Variants in HERC1 observed in about 807,000 individuals in gnomAD.
HERC1 encodes HECT and RLD domain containing E3 ubiquitin protein ligase family member 1.
HERC1 carries 160 observed loss-of-function variants against 554.3 expected under a neutral mutation model. The observed-to-expected ratio is 0.29, with a 90% confidence interval of 0.25 to 0.33. The LOEUF is 0.33. Among genes scored for constraint, HERC1 ranks in the 10% least tolerant of loss-of-function variants. The pLI is 1.00. For missense variants in HERC1, 4,919 were observed against 5,918.5 expected (o/e 0.83, Z 5.54); for synonymous variants, 2,175 against 2,131.7 (o/e 1.02, Z -0.56).
At chr15:63,648,684 T>C (rs1046062353) in intron 54 of HERC1, among the ~76,000 whole-genome samples, 5 of 152,232 alleles carry the variant, frequency 3.3e-5, no homozygotes, top group Admixed American at 6.5e-5. Flanking sequence ...CAAGTATATG[T>C]AACACTGAAA....
intron 42 of HERC1, among the ~76,000 whole-genome samples, chr15:63,665,518 A>G (rs1452236400): frequency 2.6e-5 from 4 of 152,176 alleles, no homozygotes; most frequent in Non-Finnish European, 1.5e-5. Flanking sequence ...CTGGCGACAG[A>G]GCGAGACTCC....
At chr15:63,686,611 T>A in intron 33 of HERC1, 76 bp from the exon 34 acceptor site, 1 of 1,236,520 alleles carries the variant, frequency 8.1e-7, no homozygotes, top group Non-Finnish European at 1.1e-6. Context: ...GGCTCCTTGG[T>A]TTTATCCTAC....
At position 63,672,627 on chromosome 15, in the gene HERC1, T is replaced by C. The variant is rs1325664544; in HGVS notation, c.7914A>G (p.Pro2638=). 1.9e-6 allele frequency: 3 copies of C among 1,613,114 alleles called. No homozygotes were observed. Among genetic ancestry groups the C allele is most frequent in the Non-Finnish European group, 1.7e-6 (2 of 1,179,520 alleles). ...QQAQTPVTTS[P]SASSTTSFMS... ...TAAAGGAGGTCGTGCTTGAGGCTGA[T>C]GGGCTAGTAGTAACTGGTGTCTGTG... Residue 2638 remains proline, a synonymous_variant, in exon 39 of 78, where the codon CCA becomes CCG. Transcript: ENST00000443617.
chr15:63,778,401 A>T (rs1282746710), intron 1 of HERC1, among the ~76,000 whole-genome samples: 2 of 152,354 alleles, frequency 1.3e-5, no homozygotes, highest in East Asian at 3.9e-4. Flanking sequence ...ATTTAATTTA[A>T]AGCAGAAGGC....
intron 38 of HERC1, 142 bp from the exon 39 acceptor site, chr15:63,672,836 G>GA (rs553272963): frequency 6.4e-6 from 4 of 629,456 alleles, no homozygotes; most frequent in Non-Finnish European, 1.1e-5. Flanking sequence ...AAGATTGACA[G>GA]AAAAAAATAT....
intron 57 of HERC1, among the ~76,000 whole-genome samples, chr15:63,644,623 A>G (rs2152855257): frequency 6.6e-6 from 1 of 152,294 alleles, no homozygotes; most frequent in South Asian, 2.1e-4. Flanking sequence ...GTTTAATATA[A>G]ATAAATCATT....
At chr15:63,710,855 T>TA (rs978276452) in intron 24 of HERC1, among the ~76,000 whole-genome samples, 13 of 152,252 alleles carry the variant, frequency 8.5e-5, no homozygotes, top group African/African-American at 2.6e-4. Flanking sequence ...ACGCAACAGC[T>TA]AAGAGTCCAG....
In HERC1 at chr15:63,692,911, T is replaced by G. The variant is rs1383173610; in HGVS notation, c.5675-345A>C. ...TTCCCAAATATCAGGACAGGCGCAA[T>G]GGCTCACATCTGTAATCCCAGCACT... On this transcript the variant is annotated intron_variant, in intron 30 of 77. Coordinates refer to ENST00000443617, the MANE Select transcript of HERC1 (RefSeq NM_003922.4). This position sits in a 1 kb window ranked among gnomAD's most constrained non-coding sequence, Gnocchi z 4.7. Among the ~76,000 whole-genome samples, 2 of 152,172 alleles carry G rather than the reference T, an allele frequency of 1.3e-5. No homozygotes were observed. Among genetic ancestry groups the G allele is most frequent in the African/African-American group, 2.4e-5 (1 of 41,446 alleles).
chr15:63,747,166 A>G lies in HERC1; in HGVS notation c.2355-83T>C. The G allele has an allele frequency of 3.7e-6, 5 of 1,368,824 alleles. No individual in the cohort carries two copies. The South Asian group carries it at 6.8e-5, about 19-fold the overall frequency. The allele number at this position is 1,368,824 out of a possible 1,614,324, so 84.8% of individuals were successfully genotyped here. On this transcript the variant is annotated intron_variant, in intron 11 of 77. Coordinates refer to ENST00000443617, the MANE Select transcript of HERC1 (RefSeq NM_003922.4). The stretch of plus-strand genomic sequence containing the variant: ...GTTTGGGTAACATTTTTATATCTTT[A>G]AAAATTTTGTTGGCTAGGTGCGGTG...
Position 63,755,238 on chromosome 15 carries a change from C to T in HERC1, c.1621G>A (p.Gly541Arg), listed in dbSNP as rs757271641. 1 of 1,608,928 alleles carries T rather than the reference C, an allele frequency of 6.2e-7. No homozygotes were observed. Among genetic ancestry groups the T allele is most frequent in the Non-Finnish European group, 8.5e-7 (1 of 1,175,386 alleles). Residue 541 changes from glycine (G) to arginine (R), a missense_variant, in exon 6 of 78, where the codon GGA becomes AGA. Physicochemically the swap from Gly to Arg is moderately radical, Grantham distance 125. Coordinates refer to ENST00000443617, the MANE Select transcript of HERC1 (RefSeq NM_003922.4). ...TTTTAAAAAATCTTACCTAATCTTC[C>T]AAAGTCTCCTTCACCCCATGTGTAT... ...ELYTWGEGDF[G>R]RLGHGDSNSR...
In HERC1 at chr15:63,797,412, G is replaced by GT. The variant is rs564534539; in HGVS notation, c.-26-21764dup. On this transcript the variant is annotated intron_variant, in intron 1 of 77. Coordinates refer to ENST00000443617, the MANE Select transcript of HERC1 (RefSeq NM_003922.4). ...ATCATTATAATAGAATCTAAGATTG[G>GT]TTTTTTTGTGTTATCTTTCAGAATG... Among the ~76,000 whole-genome samples, 356 of 152,202 alleles carry GT rather than the reference G, an allele frequency of 2.3e-3. 1 individual carries two copies. The highest frequency in any genetic ancestry group is 8.1e-3 in the African/African-American group (335 of 41,526).
In HERC1 at chr15:63,774,902, G is replaced by C. The variant is rs1596221237; in HGVS notation, c.722C>G (p.Thr241Ser). ...CTCAGAAGCTAATCTACGACCTAAAGTGTCTGCCCCAGAATTAGGAATAGT... is the reference window on the plus strand; with the variant it reads ...CTCAGAAGCTAATCTACGACCTAAACTGTCTGCCCCAGAATTAGGAATAGT... ...GVTIPNSGAD[T>S]LGRRLASELL... Residue 241 changes from threonine (T) to serine (S), a missense_variant, in exon 2 of 78, where the codon ACT (threonine) becomes AGT (serine). Physicochemically the swap from Thr to Ser is moderately conservative, Grantham distance 58 (BLOSUM62 1). This residue lies in a region of HERC1 where 744 missense variants were observed against 1,090.0 expected (regional missense o/e 0.68). Transcript: ENST00000443617. 1.2e-6 allele frequency: 2 copies of C among 1,613,964 alleles called. No individual in the cohort carries two copies. Among genetic ancestry groups the C allele is most frequent in the Admixed American group, 1.7e-5 (1 of 60,012 alleles).
chr15:63,689,723 T>A, intron 32 of HERC1, 24 bp from the exon 33 acceptor site: 3 of 1,351,736 alleles, frequency 2.2e-6, no homozygotes, highest in Non-Finnish European at 3.0e-6. Flanking sequence ...GAAAAAAGGA[T>A]AAAATTTGTA....
chr15:63,655,051 A>G (rs2069946016), intron 50 of HERC1, among the ~76,000 whole-genome samples: 1 of 152,046 alleles, frequency 6.6e-6, no homozygotes, highest in Non-Finnish European at 1.5e-5. Context: ...AACTGGGCTG[A>G]TAGATCCAAA....
chr15:63,775,225 A>G lies in HERC1; in HGVS notation c.399T>C (p.Ser133=). 6.2e-7 allele frequency: 1 copy of G among 1,614,022 alleles called. No individual in the cohort carries two copies. Among genetic ancestry groups the G allele is most frequent in the South Asian group, 1.1e-5 (1 of 91,088 alleles). ...DKGKVKQQQH[S]PESSSGSADV... ...CTGCTGAACCAGAACTGCTCTCCGG[A>G]GAATGCTGCTGCTGCTTCACCTTGC... is the stretch of plus-strand genomic sequence containing the variant. Residue 133 remains serine (S), a synonymous_variant, in exon 2 of 78, where the codon TCT becomes TCC. Coordinates refer to ENST00000443617, the MANE Select transcript of HERC1 (RefSeq NM_003922.4). This position sits in a 1 kb window ranked among gnomAD's most constrained non-coding sequence, Gnocchi z 4.0.
At chr15:63,728,333 T>C (rs2074119530) in intron 16 of HERC1, among the ~76,000 whole-genome samples, 1 of 152,228 alleles carries the variant, frequency 6.6e-6, no homozygotes. Context: ...CCTTAAATCA[T>C]GTGTTTTTAT....
rs149322499 is a variant in HERC1, at chr15:63,630,417, T to A, written c.12966+49A>T. The A allele has an allele frequency of 1.5e-5, 24 of 1,564,344 alleles. No individual in the cohort carries two copies. In the East Asian group the frequency reaches 5.4e-4, roughly 35 times the overall value. ...ATCTCTTTCCCCAACTGAGGAACAC[T>A]GTGAGATTTCTAGAATATGAGAAAG... On this transcript the variant is annotated intron_variant, in intron 69 of 77. Coordinates refer to ENST00000443617, the MANE Select transcript of HERC1 (RefSeq NM_003922.4).
chr15:63,645,730 C>G (rs776590480), intron 55 of HERC1, 48 bp from the exon 56 acceptor site: 4 of 1,092,196 alleles, frequency 3.7e-6, no homozygotes, highest in Non-Finnish European at 5.1e-6. Flanking sequence ...GTTTCCTTCA[C>G]AAATACTTTA....
intron 1 of HERC1, among the ~76,000 whole-genome samples, chr15:63,800,982 C>T (rs1269044440): frequency 6.6e-6 from 1 of 152,106 alleles, no homozygotes; most frequent in Non-Finnish European, 1.5e-5. Context: ...CAATGGTCAA[C>T]GATTTAATCA....
Sources: allele counts gnomAD v4.1 joint callset (sites outside exome capture counted in the v4.1 genomes callset), GRCh38; gene constraint gnomAD v4.1.1; regional missense constraint gnomAD v4.1.1; non-coding constraint Gnocchi (gnomAD v3.1); transcripts MANE v1.5; gene names NCBI Gene and HGNC (gene_info 2026-07-23, HGNC 2026-07-21).